The following STX18 variants were observed in gnomAD, a reference collection of about 807,000 sequenced individuals.
STX18 encodes the protein syntaxin-18.
Under a neutral mutation model 50.1 loss-of-function variants are expected in STX18, and 40 were observed. The observed-to-expected ratio is 0.80, with a 90% confidence interval of 0.62 to 1.04. The LOEUF is 1.04. Among genes scored for constraint, STX18 ranks in the 50% least tolerant of loss-of-function variants. The probability of loss-of-function intolerance (pLI) is 0.00; values close to 1 mark genes in which losing one functional copy is unlikely to be tolerated. For missense variants in STX18, 410 were observed against 415.8 expected (o/e 0.99, Z 0.12); for synonymous variants, 158 against 151.8 (o/e 1.04, Z -0.30).
chr4:4,427,482 T>C (rs1236494790), intron 7 of STX18, among the ~76,000 whole-genome samples: 4 of 152,378 alleles, frequency 2.6e-5, no homozygotes, highest in East Asian at 1.9e-4. Flanking sequence ...TACTAAAACA[T>C]GCAGGCGCCA....
At chr4:4,502,745 C>T (rs1433630097) in intron 1 of STX18, among the ~76,000 whole-genome samples, 1 of 152,190 alleles carries the variant, frequency 6.6e-6, no homozygotes, top group African/African-American at 2.4e-5. Flanking sequence ...GTGTGCAGCA[C>T]ATGTAATTTC....
At chr4:4,438,056 T>C (rs890556564) in intron 6 of STX18, among the ~76,000 whole-genome samples, 5 of 152,202 alleles carry the variant, frequency 3.3e-5, no homozygotes, top group Admixed American at 2.0e-4. Flanking sequence ...AGAGCTGACA[T>C]GCAGGGCATG....
At chr4:4,463,629 G>A (rs1026297533) in intron 2 of STX18, among the ~76,000 whole-genome samples, 6 of 152,190 alleles carry the variant, frequency 3.9e-5, no homozygotes, top group Non-Finnish European at 7.4e-5. Flanking sequence ...TAACTTGTCA[G>A]ATACTAAAGA....
intron 1 of STX18, among the ~76,000 whole-genome samples, chr4:4,524,188 C>T (rs1333662717): frequency 6.6e-6 from 1 of 152,212 alleles, no homozygotes; most frequent in Admixed American, 6.5e-5. Flanking sequence ...AATTCATTCT[C>T]AGAGATACCT....
intron 2 of STX18, among the ~76,000 whole-genome samples, chr4:4,463,758 T>G (rs988437765): frequency 3.3e-5 from 5 of 152,196 alleles, no homozygotes; most frequent in African/African-American, 1.2e-4. Flanking sequence ...CCTTTAGAAA[T>G]AAAATTGACA....
rs1248144828 is a variant in STX18 at position 4,459,489 on chromosome 4, T to TA, written c.237-3dup. On this transcript the variant is annotated splice_polypyrimidine_tract_variant and splice_region_variant and intron_variant, in intron 2 of 10. Transcript: ENST00000306200. ...CTCCCATATTCAGACATGGTATGGC[T>TA]AAAAAAAGACAGCAAAGGAAAGGGC... 1 of 1,605,616 alleles carries TA rather than the reference T, an allele frequency of 6.2e-7. No individual in the cohort carries two copies. The highest frequency in any genetic ancestry group is 8.5e-7 in the Non-Finnish European group (1 of 1,172,598).
rs542129875 is a variant in STX18 at position 4,439,304 on chromosome 4, CCA to C, written c.498-797_498-796del. ...CACACACATATATACACACACATAC[CCA>C]CACATATACACATACCATATATACA... On this transcript the variant is annotated intron_variant, in intron 5 of 10. Coordinates refer to ENST00000306200, the MANE Select transcript of STX18 (RefSeq NM_016930.4). Among the ~76,000 whole-genome samples, 996 of 147,586 alleles carry C rather than the reference CCA, an allele frequency of 6.7e-3. 5 individuals carry two copies. Among genetic ancestry groups the C allele is most frequent in the Non-Finnish European group, 0.011 (752 of 67,182 alleles).
At chr4:4,507,514 A>G (rs1729771354) in intron 1 of STX18, 3 of 768,456 alleles carry the variant, frequency 3.9e-6, no homozygotes, top group African/African-American at 1.7e-5. Flanking sequence ...GCCTAAGCCA[A>G]TTCGAAAAAG....
At chr4:4,524,196 C>G (rs1280951816) in intron 1 of STX18, among the ~76,000 whole-genome samples, 1 of 152,128 alleles carries the variant, frequency 6.6e-6, no homozygotes, top group African/African-American at 2.4e-5. Flanking sequence ...CTCAGAGATA[C>G]CTTCAGTTCA....
At chr4:4,438,634 G>A (rs1408416655) in intron 5 of STX18, 125 bp from the exon 6 acceptor site, 3 of 706,192 alleles carry the variant, frequency 4.2e-6, no homozygotes, top group East Asian at 2.7e-5. Flanking sequence ...AGCAGTCACT[G>A]CCTCTGGGCC....
At chr4:4,455,628 A>G (rs189085780) in intron 5 of STX18, among the ~76,000 whole-genome samples, 137 of 152,332 alleles carry the variant, frequency 9.0e-4, no homozygotes, top group African/African-American at 2.9e-3. Context: ...AGTGCTGAGC[A>G]CCTGCTTTCC....
At chr4:4,513,919 C>A (rs1730120534) in intron 1 of STX18, among the ~76,000 whole-genome samples, 1 of 152,070 alleles carries the variant, frequency 6.6e-6, no homozygotes, top group Non-Finnish European at 1.5e-5. Context: ...AACCTGAGGG[C>A]AGGGGTGTGA....
intron 1 of STX18, among the ~76,000 whole-genome samples, chr4:4,540,081 T>C (rs1267666064): frequency 2.6e-5 from 4 of 152,214 alleles, no homozygotes. Flanking sequence ...TCTCTTCCTC[T>C]TATTTCAACC....
At chr4:4,472,690 T>C (rs1226423903) in intron 1 of STX18, among the ~76,000 whole-genome samples, 1 of 152,214 alleles carries the variant, frequency 6.6e-6, no homozygotes, top group Non-Finnish European at 1.5e-5. Context: ...CACACTTCTT[T>C]GTCAGTGGCA....
Position 4,420,655 on chromosome 4 carries a change from G to T in STX18, c.912+209C>A. 1 of 570,014 alleles carries T rather than the reference G, an allele frequency of 1.8e-6. No individual in the cohort carries two copies. 35.3% of individuals were successfully genotyped at this position (570,014 alleles called of 1,614,324 possible). The stretch of plus-strand genomic sequence containing the variant: ...CTGGATTGCTCCTTTGGAGGCTGGT[G>T]AGCCACTGCCTCTCGAAAGCAGCTG... On this transcript the variant is annotated intron_variant, in intron 10 of 10. Transcript: ENST00000306200. The surrounding 1 kb of genome is among the most constrained non-coding windows in gnomAD (Gnocchi z 4.3).
chr4:4,509,792 T>G (rs1371177014), intron 1 of STX18, among the ~76,000 whole-genome samples: 6 of 151,942 alleles, frequency 3.9e-5, no homozygotes, highest in African/African-American at 1.5e-4. Context: ...ACTGAAAAGA[T>G]GACATATAAG....
intron 1 of STX18, among the ~76,000 whole-genome samples, chr4:4,475,336 G>A (rs6844046): frequency 0.048 from 7,305 of 152,040 alleles, 583 homozygotes; most frequent in African/African-American, 0.16. Context: ...AATTACATCA[G>A]TATAATAACT....
chr4:4,538,289 A>G (rs1298524860), intron 1 of STX18, among the ~76,000 whole-genome samples: 1 of 152,186 alleles, frequency 6.6e-6, no homozygotes, highest in East Asian at 1.9e-4. Context: ...ACTGGCTTCC[A>G]TGATCACAAG....
intron 5 of STX18, among the ~76,000 whole-genome samples, chr4:4,453,268 T>C (rs1306138785): frequency 6.6e-6 from 1 of 152,204 alleles, no homozygotes; most frequent in East Asian, 1.9e-4. Flanking sequence ...AGAAACCTTT[T>C]GTGAAAGGAA....
Sources: gnomAD v4.1 joint callset for allele counts (sites outside exome capture counted in the v4.1 genomes callset) on GRCh38, gnomAD v4.1.1 for gene constraint, Gnocchi (gnomAD v3.1) non-coding constraint, MANE v1.5 for transcripts, NCBI Gene and HGNC (gene_info 2026-07-23, HGNC 2026-07-21) for gene names.